DCLK3: variants seen among roughly 807,000 people sequenced by gnomAD.
DCLK3 encodes serine/threonine-protein kinase DCLK3.
A neutral mutation model predicts 46.4 loss-of-function variants in DCLK3; 30 were observed. The observed-to-expected ratio is 0.65, with a 90% confidence interval of 0.48 to 0.88. DCLK3 has a LOEUF of 0.88. Ranked by LOEUF, DCLK3 falls within the 40% of genes least tolerant of loss-of-function variation. The pLI is 0.00. For synonymous variants in DCLK3, 401 were observed against 339.2 expected (o/e 1.18, Z -2.00); for missense variants, 846 against 907.1 (o/e 0.93, Z 0.87).
intron 4 of DCLK3, among the ~76,000 whole-genome samples, chr3:36,716,858 C>T (rs1337084308): frequency 6.6e-6 from 1 of 152,204 alleles, no homozygotes; most frequent in Non-Finnish European, 1.5e-5. Flanking sequence ...CTAAGGAGTG[C>T]TGCATAGAAC....
chr3:36,732,511 T>A (rs527823120), intron 2 of DCLK3, among the ~76,000 whole-genome samples: 3 of 152,320 alleles, frequency 2.0e-5, no homozygotes, highest in African/African-American at 7.2e-5. Flanking sequence ...CCCGCAGTTC[T>A]CCAGAGGAGT....
At chr3:36,719,975 T>C (rs1701035172) in intron 3 of DCLK3, among the ~76,000 whole-genome samples, 1 of 152,198 alleles carries the variant, frequency 6.6e-6, no homozygotes, top group African/African-American at 2.4e-5. Context: ...TTGTGGAGAA[T>C]TTAAGCTCAA....
intron 3 of DCLK3, among the ~76,000 whole-genome samples, chr3:36,720,502 A>ATT (rs1422701665): frequency 2.2e-5 from 2 of 90,352 alleles, no homozygotes; most frequent in Non-Finnish European, 2.2e-5. Context: ...TCATCTCCTC[A>ATT]TCTTTTTTTT....
Position 36,713,355 on chromosome 3 carries a change from G to A in DCLK3, c.*1973C>T, listed in dbSNP as rs557486004. On this transcript the variant is annotated 3_prime_UTR_variant, in exon 5 of 5. Transcript: ENST00000636136. ...CAATAGGGTCAAGTGATGCTAATTT[G>A]AGGATTGAAAATTCTCTTTTGGATT... The A allele has an allele frequency of 6.6e-6, 1 of 152,336 alleles. No homozygotes were observed. Among genetic ancestry groups the A allele is most frequent in the Non-Finnish European group, 1.5e-5 (1 of 68,036 alleles). 9.4% of individuals were successfully genotyped at this position (152,336 alleles called of 1,614,324 possible).
chr3:36,750,913 C>G (rs1205285348), intron 1 of DCLK3, among the ~76,000 whole-genome samples: 3 of 151,962 alleles, frequency 2.0e-5, no homozygotes, highest in Non-Finnish European at 4.4e-5. Flanking sequence ...CAACAGGCAC[C>G]AACACTGAAG....
At chr3:36,742,637 C>A (rs1279517426) in intron 1 of DCLK3, among the ~76,000 whole-genome samples, 1 of 152,242 alleles carries the variant, frequency 6.6e-6, no homozygotes, top group East Asian at 1.9e-4. Flanking sequence ...ATGACTGCTT[C>A]AAGCTACTGG....
intron 2 of DCLK3, among the ~76,000 whole-genome samples, chr3:36,724,945 T>C (rs1372592624): frequency 1.3e-5 from 2 of 150,488 alleles, no homozygotes; most frequent in Non-Finnish European, 3.0e-5. Flanking sequence ...CAATTCCAAC[T>C]CCAAGACTTG....
intron 3 of DCLK3, among the ~76,000 whole-genome samples, chr3:36,719,932 C>A (rs573822723): frequency 6.6e-6 from 1 of 152,324 alleles, no homozygotes; most frequent in South Asian, 2.1e-4. Flanking sequence ...CGATGCCACA[C>A]CAAGTCTAAA....
In DCLK3 at chr3:36,738,638, G is replaced by C. The variant is rs751894650; in HGVS notation, c.529C>G (p.Leu177Val). Residue 177 changes from leucine to valine, a missense_variant, in exon 2 of 5, where the codon CTG becomes GTG. By Grantham distance (32) the Leu-to-Val change is conservative. Transcript: ENST00000636136. ...TCTACAGCCACCTGAATGCTCTTCA[G>C]TGTCAGTGGTTCTTTGCCCATAGCT... ...FIAMGKEPLT[L>V]KSIQVAVEEL... is the part of the protein sequence containing the mutation. 1 of 1,341,774 alleles carries C rather than the reference G, an allele frequency of 7.5e-7. No homozygotes were observed. Among genetic ancestry groups the C allele is most frequent in the Non-Finnish European group, 9.6e-7 (1 of 1,039,150 alleles). The allele number at this position is 1,341,774 out of a possible 1,614,324, so 83.1% of individuals were successfully genotyped here.
chr3:36,751,970 A>T (rs1162421858), intron 1 of DCLK3, among the ~76,000 whole-genome samples: 1 of 152,202 alleles, frequency 6.6e-6, no homozygotes, highest in Non-Finnish European at 1.5e-5. Flanking sequence ...ATCTAAAGCT[A>T]CACAGCTGTC....
At chr3:36,717,156 C>T (rs1700994593) in intron 4 of DCLK3, among the ~76,000 whole-genome samples, 1 of 152,186 alleles carries the variant, frequency 6.6e-6, no homozygotes, top group African/African-American at 2.4e-5. Context: ...GTCTCTGTCA[C>T]CCAGGCTGGA....
At chr3:36,756,297 G>A (rs1701484138) in intron 1 of DCLK3, among the ~76,000 whole-genome samples, 1 of 152,226 alleles carries the variant, frequency 6.6e-6, no homozygotes, top group Admixed American at 6.5e-5. Flanking sequence ...CCTTCCATTG[G>A]TGGTTGAGGG....
At chr3:36,736,100 C>T (rs918090842) in intron 2 of DCLK3, among the ~76,000 whole-genome samples, 1 of 152,208 alleles carries the variant, frequency 6.6e-6, no homozygotes, top group East Asian at 1.9e-4. Flanking sequence ...AGTTTACCGA[C>T]TCATTGTCAT....
intron 1 of DCLK3, among the ~76,000 whole-genome samples, chr3:36,745,758 G>A (rs1192953018): frequency 1.3e-5 from 2 of 152,102 alleles, no homozygotes; most frequent in East Asian, 3.9e-4. Flanking sequence ...CATTTTCCAG[G>A]GGCTGTTTGG....
At chr3:36,715,718 G>C (rs1178381930) in intron 4 of DCLK3, among the ~76,000 whole-genome samples, 197 bp from the exon 5 acceptor site, 1 of 152,188 alleles carries the variant, frequency 6.6e-6, no homozygotes, top group African/African-American at 2.4e-5. Context: ...CGATTATTGA[G>C]CATTTGAAAT....
chr3:36,744,815 T>C (rs997174007), intron 1 of DCLK3, among the ~76,000 whole-genome samples: 2 of 152,170 alleles, frequency 1.3e-5, no homozygotes, highest in African/African-American at 2.4e-5. Context: ...GACGGGATCA[T>C]AAAAGAAACA....
At chr3:36,754,935 A>T (rs1032833322) in intron 1 of DCLK3, among the ~76,000 whole-genome samples, 2 of 152,128 alleles carry the variant, frequency 1.3e-5, no homozygotes, top group Non-Finnish European at 2.9e-5. Flanking sequence ...AGGCAAAAAA[A>T]ATCATTAATT....
chr3:36,729,777 A>G (rs2125526240), intron 2 of DCLK3: 1 of 152,326 alleles, frequency 6.6e-6, no homozygotes, highest in Non-Finnish European at 1.5e-5. Context: ...TTTTCCCTCC[A>G]AGGTCCATTT....
intron 2 of DCLK3, among the ~76,000 whole-genome samples, chr3:36,724,088 C>A (rs888068424): frequency 6.6e-6 from 1 of 152,202 alleles, no homozygotes; most frequent in Non-Finnish European, 1.5e-5. Flanking sequence ...ATTAGCGTGA[C>A]CTGGATGTGA....
Sources: gnomAD v4.1 joint callset for allele counts (sites outside exome capture counted in the v4.1 genomes callset) on GRCh38, gnomAD v4.1.1 for gene constraint, MANE v1.5 for transcripts, NCBI Gene and HGNC (gene_info 2026-07-23, HGNC 2026-07-21) for gene names.